LIN54: variants seen among roughly 807,000 people sequenced by gnomAD.
LIN54 encodes lin-54 DREAM MuvB core complex component, also known as protein lin-54 homolog.
Under a neutral mutation model 78.7 loss-of-function variants are expected in LIN54, and 9 were observed. The observed-to-expected ratio is 0.11, with a 90% CI of 0.07 to 0.20. The LOEUF (loss-of-function observed/expected upper bound fraction) is 0.20. Ranked by LOEUF, LIN54 falls within the 10% of genes least tolerant of loss-of-function variation. The pLI is 1.00. For missense variants in LIN54, 573 were observed against 889.9 expected, an observed-to-expected ratio of 0.64 and a Z score of 4.53; for synonymous variants, 269 against 318.4, an observed-to-expected ratio of 0.84 and a Z score of 1.65.
chr4:82,992,567 A>G (rs1727818805), intron 1 of LIN54, among the ~76,000 whole-genome samples: 2 of 152,116 alleles, frequency 1.3e-5, no homozygotes, highest in African/African-American at 2.4e-5. Context: ...GTCCTAGCTC[A>G]CACTCCCTTG....
chr4:82,943,700 T>G (rs1723120338), intron 5 of LIN54, among the ~76,000 whole-genome samples: 1 of 151,440 alleles, frequency 6.6e-6, no homozygotes, highest in Non-Finnish European at 1.5e-5. Context: ...AGAGATATAG[T>G]GGAGAACAGA....
chr4:82,980,673 G>C (rs1726561256), intron 2 of LIN54, among the ~76,000 whole-genome samples: 1 of 151,936 alleles, frequency 6.6e-6, no homozygotes, highest in African/African-American at 2.4e-5. Flanking sequence ...ATGAAATTTA[G>C]AGAAATACAA....
chr4:83,000,824 A>ATTTTTTTTT (rs1553959263), intron 1 of LIN54, among the ~76,000 whole-genome samples: 1 of 3,222 alleles, frequency 3.1e-4, no homozygotes, highest in African/African-American at 9.1e-4. Flanking sequence ...AAAGCAATAA[A>ATTTTTTTTT]TTCTTTTTTT....
intron 2 of LIN54, among the ~76,000 whole-genome samples, chr4:82,983,245 G>A (rs373463806): frequency 1.3e-4 from 20 of 152,088 alleles, no homozygotes; most frequent in African/African-American, 4.8e-4. Context: ...CTGACCTCAG[G>A]TGATCCGCCC....
At position 82,990,284 on chromosome 4, in the gene LIN54, G is replaced by A. The variant is rs149501021; in HGVS notation, c.-32-5408C>T. Among the ~76,000 whole-genome samples the A allele has an allele frequency of 5.1e-3, 770 of 152,248 alleles. 5 individuals are homozygous for A. Among genetic ancestry groups the A allele is most frequent in the Middle Eastern group, 6.8e-3 (2 of 294 alleles). On this transcript the variant is annotated intron_variant, in intron 1 of 12. Transcript: ENST00000340417. ...AGCCTAGTAATCTTCCATGGATACCGGCAGAAGACACAGTAGTCATGTGTC... is the reference window on the plus strand; with the variant it reads ...AGCCTAGTAATCTTCCATGGATACCAGCAGAAGACACAGTAGTCATGTGTC...
chr4:82,939,818 T>G, intron 6 of LIN54, 71 bp downstream of exon 6: 7 of 1,584,730 alleles, frequency 4.4e-6, no homozygotes, highest in Non-Finnish European at 6.1e-6. Context: ...TGCACCTAAA[T>G]CTTAACTTTC....
chr4:82,933,963 T>C (rs1377116712), intron 11 of LIN54, among the ~76,000 whole-genome samples: 1 of 152,222 alleles, frequency 6.6e-6, no homozygotes, highest in Non-Finnish European at 1.5e-5. Context: ...AAAGAAGTGT[T>C]AATTTTTACA....
intron 4 of LIN54, among the ~76,000 whole-genome samples, chr4:82,960,794 T>TGG (rs1234299562): frequency 6.6e-6 from 1 of 152,174 alleles, no homozygotes; most frequent in Admixed American, 6.5e-5. Flanking sequence ...GCGTGGTAGC[T>TGG]CATACATGTA....
At chr4:82,970,069 T>G (rs1329782335) in intron 4 of LIN54, among the ~76,000 whole-genome samples, 1 of 152,226 alleles carries the variant, frequency 6.6e-6, no homozygotes, top group African/African-American at 2.4e-5. Flanking sequence ...ATTGAATTTA[T>G]TCAAGATTTT....
chr4:82,929,676 T>C (rs1429405275), intron 12 of LIN54, among the ~76,000 whole-genome samples: 1 of 151,618 alleles, frequency 6.6e-6, no homozygotes, highest in Non-Finnish European at 1.5e-5. Context: ...CGTCGTGGTG[T>C]ATGCCTGTAA....
intron 11 of LIN54, among the ~76,000 whole-genome samples, chr4:82,932,099 T>A (rs1258700820): frequency 6.8e-6 from 1 of 147,446 alleles, no homozygotes; most frequent in African/African-American, 2.5e-5. Context: ...TTAATTTTTT[T>A]TTTTTTTTTT....
At chr4:82,941,149 G>GATAT (rs3081913) in intron 5 of LIN54, among the ~76,000 whole-genome samples, 7,854 of 130,992 alleles carry the variant, frequency 0.06, 432 homozygotes, top group African/African-American at 0.15. Flanking sequence ...GAGTTAAGAG[G>GATAT]ATATATATAT....
At chr4:83,004,398 CAAAAAAAAAAA>C (rs34722830) in intron 1 of LIN54, among the ~76,000 whole-genome samples, 1 of 100,940 alleles carries the variant, frequency 9.9e-6, no homozygotes, top group African/African-American at 3.8e-5. Flanking sequence ...GACTCCGTTG[CAAAAAAAAAAA>C]AAAAAAAGAA....
chr4:82,973,301 C>T (rs1168610928), intron 3 of LIN54, among the ~76,000 whole-genome samples: 1 of 152,086 alleles, frequency 6.6e-6, no homozygotes, highest in Non-Finnish European at 1.5e-5. Context: ...GTCATTTCTA[C>T]CAAAATATTT....
chr4:82,998,459 C>T (rs1315885072), intron 1 of LIN54, among the ~76,000 whole-genome samples: 1 of 147,000 alleles, frequency 6.8e-6, no homozygotes, highest in Non-Finnish European at 1.5e-5. Flanking sequence ...AGAAGAATTG[C>T]TTGAACCCAG....
intron 12 of LIN54, among the ~76,000 whole-genome samples, chr4:82,929,370 C>A (rs1578474777): frequency 6.6e-6 from 1 of 152,048 alleles, no homozygotes; most frequent in African/African-American, 2.4e-5. Context: ...TATCTTTAAT[C>A]TCCATGTGGA....
intron 5 of LIN54, among the ~76,000 whole-genome samples, chr4:82,944,101 C>T (rs936116045): frequency 2.0e-5 from 3 of 151,810 alleles, no homozygotes; most frequent in Middle Eastern, 3.4e-3. Context: ...AAACTCCCAA[C>T]CTCAAGTGAT....
At chr4:83,002,033 CAG>C (rs1437836075) in intron 1 of LIN54, among the ~76,000 whole-genome samples, 3 of 149,530 alleles carry the variant, frequency 2.0e-5, no homozygotes, top group Admixed American at 6.7e-5. Flanking sequence ...GAGGAATTAA[CAG>C]GGGACAACTT....
chr4:82,973,145 G>C (rs535772516), intron 3 of LIN54, among the ~76,000 whole-genome samples: 1 of 152,076 alleles, frequency 6.6e-6, no homozygotes, highest in South Asian at 2.1e-4. Flanking sequence ...GTTTATAATT[G>C]CAACTATACT....
Sources: gnomAD v4.1 joint callset for allele counts (sites outside exome capture counted in the v4.1 genomes callset) on GRCh38, gnomAD v4.1.1 for gene constraint, MANE v1.5 for transcripts, NCBI Gene and HGNC (gene_info 2026-07-23, HGNC 2026-07-21) for gene names.